The following CNTNAP2 variants were observed in gnomAD, a reference collection of about 807,000 sequenced individuals.
CNTNAP2 encodes the protein contactin-associated protein-like 2.
CNTNAP2 carries 98 observed loss-of-function variants against 155.2 expected under a neutral mutation model. That is an observed-to-expected ratio of 0.63 (90% CI 0.54 to 0.75). CNTNAP2 has a LOEUF of 0.75. CNTNAP2 is among the 30% of genes least tolerant of loss of function. The probability of loss-of-function intolerance (pLI) is 0.00; values close to 1 mark genes in which losing one functional copy is unlikely to be tolerated. For missense variants in CNTNAP2, 1,727 were observed against 1,688.1 expected (o/e 1.02, Z -0.40); for synonymous variants, 651 against 631.2 (o/e 1.03, Z -0.47).
At chr7:147,586,603 G>A (rs182616404) in intron 12 of CNTNAP2, among the ~76,000 whole-genome samples, 78 of 150,420 alleles carry the variant, frequency 5.2e-4, no homozygotes, top group Middle Eastern at 3.5e-3. Flanking sequence ...GGGAGAAAAG[G>A]AGGGAATGGG....
At chr7:147,201,452 T>C (rs969505142) in intron 8 of CNTNAP2, among the ~76,000 whole-genome samples, 10 of 152,320 alleles carry the variant, frequency 6.6e-5, no homozygotes, top group African/African-American at 2.2e-4. Context: ...CATGCTCAGT[T>C]TATTTTTATT....
intron 8 of CNTNAP2, among the ~76,000 whole-genome samples, chr7:147,299,436 T>G (rs909957021): frequency 2.8e-5 from 4 of 143,468 alleles, no homozygotes; most frequent in Non-Finnish European, 4.4e-5. Flanking sequence ...TTTTGCTGTT[T>G]TTTTTTTTTA....
chr7:146,941,263 A>G (rs952679656), intron 3 of CNTNAP2, among the ~76,000 whole-genome samples: 1 of 152,088 alleles, frequency 6.6e-6, no homozygotes, highest in Admixed American at 6.5e-5. Flanking sequence ...TTAGTGTATC[A>G]AAGTTATTTG....
intron 18 of CNTNAP2, among the ~76,000 whole-genome samples, chr7:148,200,925 G>A (rs530242999): frequency 5.1e-4 from 78 of 152,240 alleles, no homozygotes; most frequent in African/African-American, 1.8e-3. Context: ...CTCCATAAAT[G>A]GTAGAGCCTT....
intron 21 of CNTNAP2, among the ~76,000 whole-genome samples, chr7:148,335,061 T>C (rs1033130519): frequency 3.9e-5 from 6 of 152,188 alleles, no homozygotes; most frequent in Admixed American, 2.0e-4. Flanking sequence ...CTGTATTGTG[T>C]CTGGAGGAAA....
intron 12 of CNTNAP2, among the ~76,000 whole-genome samples, chr7:147,582,260 G>A (rs1019971731): frequency 2.0e-5 from 3 of 152,032 alleles, no homozygotes; most frequent in Admixed American, 6.6e-5. Context: ...ACATTAAGTT[G>A]GTTATCGATC....
At chr7:147,359,440 A>G (rs1796112987) in intron 9 of CNTNAP2, among the ~76,000 whole-genome samples, 1 of 152,074 alleles carries the variant, frequency 6.6e-6, no homozygotes, top group South Asian at 2.1e-4. Context: ...CAATGGGCAG[A>G]ATCATCCTTT....
chr7:147,267,285 A>G (rs1804634061), intron 8 of CNTNAP2, among the ~76,000 whole-genome samples: 2 of 152,202 alleles, frequency 1.3e-5, no homozygotes, highest in South Asian at 4.1e-4. Flanking sequence ...AAAAATTTCA[A>G]ACAGAGTAAT....
At chr7:146,616,851 T>C (rs1274189214) in intron 1 of CNTNAP2, among the ~76,000 whole-genome samples, 1 of 152,204 alleles carries the variant, frequency 6.6e-6, no homozygotes, top group Non-Finnish European at 1.5e-5. Context: ...CACAATTATC[T>C]CTTATAATGA....
intron 3 of CNTNAP2, among the ~76,000 whole-genome samples, chr7:147,021,949 G>T (rs554161218): frequency 1.3e-5 from 2 of 151,998 alleles, no homozygotes; most frequent in East Asian, 3.9e-4. Flanking sequence ...TATATTTTAG[G>T]TATGGCTATG....
At chr7:147,601,543 T>C (rs1159496036) in intron 12 of CNTNAP2, among the ~76,000 whole-genome samples, 4 of 151,590 alleles carry the variant, frequency 2.6e-5, no homozygotes, top group South Asian at 2.1e-4. Context: ...TCTGGATGTA[T>C]ACGTGCAGGT....
At chr7:148,045,726 C>T (rs1172900093) in intron 15 of CNTNAP2, among the ~76,000 whole-genome samples, 1 of 152,198 alleles carries the variant, frequency 6.6e-6, no homozygotes. Context: ...ATAGACACTA[C>T]AGGGACTGCG....
chr7:146,928,644 T>A (rs1023218173), intron 3 of CNTNAP2, among the ~76,000 whole-genome samples: 22 of 152,294 alleles, frequency 1.4e-4, no homozygotes, highest in African/African-American at 5.3e-4. Context: ...ATTGCCTCAC[T>A]CGGGAAGCAC....
At chr7:148,338,240 G>A (rs751331193) in intron 21 of CNTNAP2, among the ~76,000 whole-genome samples, 9 of 152,168 alleles carry the variant, frequency 5.9e-5, no homozygotes, top group Non-Finnish European at 1.3e-4. Flanking sequence ...AATTATTAGA[G>A]TAAGGGCTGG....
chr7:146,793,203 CACA>C (rs1802705211), intron 2 of CNTNAP2, among the ~76,000 whole-genome samples: 1 of 152,154 alleles, frequency 6.6e-6, no homozygotes, highest in African/African-American at 2.4e-5. Context: ...ATTTAAATTT[CACA>C]ACATTTATGG....
At chr7:146,860,493 T>C (rs1030506182) in intron 3 of CNTNAP2, among the ~76,000 whole-genome samples, 2 of 152,148 alleles carry the variant, frequency 1.3e-5, no homozygotes, top group Non-Finnish European at 2.9e-5. Context: ...CAAATACCAT[T>C]TGGTTTTATG....
At chr7:148,131,613 G>A (rs1804833414) in intron 16 of CNTNAP2, among the ~76,000 whole-genome samples, 1 of 152,152 alleles carries the variant, frequency 6.6e-6, no homozygotes, top group Admixed American at 6.5e-5. Flanking sequence ...GCTGGATAAT[G>A]AACACATGGA....
chr7:146,870,815 C>A (rs1162566713), intron 3 of CNTNAP2, among the ~76,000 whole-genome samples: 2 of 152,122 alleles, frequency 1.3e-5, no homozygotes, highest in South Asian at 2.1e-4. Flanking sequence ...AAATATTCTT[C>A]TTTTACTATA....
At chr7:147,094,940 G>A (rs1800495481) in intron 4 of CNTNAP2, among the ~76,000 whole-genome samples, 1 of 152,170 alleles carries the variant, frequency 6.6e-6, no homozygotes, top group Admixed American at 6.5e-5. Context: ...GGTATCTGAT[G>A]AGGGTCCACT....
Sources: allele counts gnomAD v4.1 joint callset (sites outside exome capture counted in the v4.1 genomes callset), GRCh38; gene constraint gnomAD v4.1.1; transcripts MANE v1.5; gene names NCBI Gene and HGNC (gene_info 2026-07-23, HGNC 2026-07-21).